Variants in TET1 observed in about 807,000 individuals in gnomAD.
TET1 encodes the protein methylcytosine dioxygenase TET1.
A neutral mutation model predicts 148.7 loss-of-function variants in TET1; 13 were observed. The observed-to-expected ratio is 0.09, with a 90% confidence interval of 0.06 to 0.14. The LOEUF (loss-of-function observed/expected upper bound fraction) is 0.14. TET1 is among the 10% of genes least tolerant of loss of function. The pLI is 1.00. For missense variants in TET1, 2,182 were observed against 2,553.8 expected, an observed-to-expected ratio of 0.85 and a Z score of 3.14; for synonymous variants, 907 against 937.2, an observed-to-expected ratio of 0.97 and a Z score of 0.59.
At chr10:68,561,463 C>T (rs2053552182) in intron 1 of TET1, among the ~76,000 whole-genome samples, 1 of 152,186 alleles carries the variant, frequency 6.6e-6, no homozygotes, top group South Asian at 2.1e-4. Flanking sequence ...ATTTAAGAAA[C>T]TCATTTATGA....
In TET1 at chr10:68,691,829, C is replaced by T. The variant is rs767766730; in HGVS notation, c.*15C>T. On this transcript the variant is annotated 3_prime_UTR_variant, in exon 12 of 12. Transcript: ENST00000373644. The surrounding 1 kb of genome is among the most constrained non-coding windows in gnomAD (Gnocchi z 4.4). ...ATTGGGTCTGAAGGCTTTTCTCCCC[C>T]TCTTAATGCCTTTGCTAGTGCAGTG... 1 of 1,591,448 alleles carries T rather than the reference C, an allele frequency of 6.3e-7. No homozygotes were observed. Among genetic ancestry groups the T allele is most frequent in the Admixed American group, 1.8e-5 (1 of 55,268 alleles).
At chr10:68,568,859 A>AG (rs1206695453) in intron 1 of TET1, among the ~76,000 whole-genome samples, 1 of 152,114 alleles carries the variant, frequency 6.6e-6, no homozygotes, top group Non-Finnish European at 1.5e-5. Flanking sequence ...TCAAAAAAAA[A>AG]GAAAAAGAAA....
intron 3 of TET1, among the ~76,000 whole-genome samples, chr10:68,639,685 T>C (rs2054713362): frequency 6.6e-6 from 1 of 151,980 alleles, no homozygotes; most frequent in Non-Finnish European, 1.5e-5. Flanking sequence ...GGTTTCAAAC[T>C]TCAAGCATGC....
chr10:68,611,650 CTTTCT>C (rs750350236), intron 3 of TET1, among the ~76,000 whole-genome samples: 15 of 133,226 alleles, frequency 1.1e-4, no homozygotes, highest in East Asian at 4.1e-4. Context: ...GAGACCCTTT[CTTTCT>C]TTTCTTTTCT....
chr10:68,665,984 A>T (rs1301011659), intron 6 of TET1, among the ~76,000 whole-genome samples: 2 of 152,198 alleles, frequency 1.3e-5, no homozygotes, highest in Non-Finnish European at 2.9e-5. Context: ...CATTCTGGTC[A>T]CATGGATGGG....
chr10:68,691,244 C>T lies in TET1; in HGVS notation c.5841C>T (p.Thr1947=), dbSNP rs779032698. The T allele has an allele frequency of 6.2e-7, 1 of 1,614,172 alleles. No homozygotes were observed. Among genetic ancestry groups the T allele is most frequent in the Non-Finnish European group, 8.5e-7 (1 of 1,180,044 alleles). The change falls in exon 12 of 12, where the codon ACC becomes ACT. Residue 1947 remains threonine, a synonymous_variant. Coordinates refer to ENST00000373644, the MANE Select transcript of TET1 (RefSeq NM_030625.3). This position sits in a 1 kb window ranked among gnomAD's most constrained non-coding sequence, Gnocchi z 4.4. ...HQPNHQPSFL[T]SPQDLASSPM... is the part of the protein sequence containing the mutation. Reference sequence around the variant, plus strand: ...CAAACCACCAGCCCTCCTTCCTCACCTCTCCTCAAGACCTTGCCTCTTCTC... The same window carrying T: ...CAAACCACCAGCCCTCCTTCCTCACTTCTCCTCAAGACCTTGCCTCTTCTC...
In TET1 at chr10:68,694,324, T is replaced by C. The variant is rs2055629025; in HGVS notation, c.*2510T>C. On this transcript the variant is annotated 3_prime_UTR_variant, in exon 12 of 12. Coordinates refer to ENST00000373644, the MANE Select transcript of TET1 (RefSeq NM_030625.3). ...TACTTTGTTGGACTCTCTTTCCTGA[T>C]TTTAACAATTTACCATCCCATTCTC... 1 of 232,636 alleles carries C rather than the reference T, an allele frequency of 4.3e-6. No homozygotes were observed. The highest frequency in any genetic ancestry group is 2.2e-5 in the African/African-American group (1 of 45,340). The allele number at this position is 232,636 out of a possible 1,614,324, so 14.4% of individuals were successfully genotyped here. A position where few individuals can be genotyped will look rare whatever the true frequency, so the allele number is the denominator to read the frequency against.
chr10:68,692,482 C>A lies in TET1; in HGVS notation c.*668C>A, dbSNP rs2055606528. The A allele has an allele frequency of 1.3e-5, 3 of 232,068 alleles. No homozygotes were observed. In the East Asian group the frequency reaches 1.8e-4, roughly 14 times the overall value. The allele number at this position is 232,068 out of a possible 1,614,324, so 14.4% of individuals were successfully genotyped here. A position where few individuals can be genotyped will look rare whatever the true frequency, so the allele number is the denominator to read the frequency against. Reference sequence around the variant, plus strand: ...ACTTGAAATAATATAGTATAAGAATCCTATTGTCTATTGTTTGTGCATATT... The same window carrying A: ...ACTTGAAATAATATAGTATAAGAATACTATTGTCTATTGTTTGTGCATATT... On this transcript the variant is annotated 3_prime_UTR_variant, in exon 12 of 12. Coordinates refer to ENST00000373644, the MANE Select transcript of TET1 (RefSeq NM_030625.3).
chr10:68,588,406 G>A (rs1282085270), intron 2 of TET1, among the ~76,000 whole-genome samples: 2 of 152,160 alleles, frequency 1.3e-5, no homozygotes, highest in African/African-American at 2.4e-5. Context: ...AAGACACTGA[G>A]GCTTAGAGAT....
intron 2 of TET1, among the ~76,000 whole-genome samples, chr10:68,576,348 CAA>C (rs374850664): frequency 0.37 from 48,736 of 131,222 alleles, 8,310 homozygotes; most frequent in Middle Eastern, 0.49. Flanking sequence ...GACCCTGTCT[CAA>C]AAAAAAAAAA....
At position 68,646,920 on chromosome 10, in the gene TET1, T is replaced by G; in HGVS notation, c.4191T>G (p.Asp1397Glu). The change falls in exon 4 of 12, where the codon GAT becomes GAG. Residue 1397 changes from aspartate to glutamate, a missense_variant. By Grantham distance (45) the Asp-to-Glu change is conservative. Transcript: ENST00000373644. ...ACAGTGCACAGAAAAATTTTAATGA[T>G]TATGCCATGAACTTCTTTACTAACC... ...TVDSAQKNFNDYAMNFFTNPT... is the reference protein window; with the variant it reads ...TVDSAQKNFNEYAMNFFTNPT... 6.2e-7 allele frequency: 1 copy of G among 1,614,148 alleles called. No individual in the cohort carries two copies. Among genetic ancestry groups the G allele is most frequent in the Non-Finnish European group, 8.5e-7 (1 of 1,180,026 alleles).
At chr10:68,575,943 C>T (rs1246412510) in intron 2 of TET1, among the ~76,000 whole-genome samples, 2 of 150,938 alleles carry the variant, frequency 1.3e-5, no homozygotes. Context: ...TGGCGTGAAC[C>T]CGGGAGGCGG....
intron 8 of TET1, among the ~76,000 whole-genome samples, chr10:68,679,589 T>G (rs1203141574): frequency 1.3e-5 from 2 of 152,240 alleles, no homozygotes; most frequent in South Asian, 2.1e-4. Flanking sequence ...TGGGTGTTGA[T>G]TTAAAAGTTT....
chr10:68,569,932 A>T (rs993393997), intron 1 of TET1, among the ~76,000 whole-genome samples: 21 of 152,122 alleles, frequency 1.4e-4, no homozygotes, highest in Admixed American at 9.2e-4. Flanking sequence ...TAGTGAATCT[A>T]AGGTTTAAAG....
intron 3 of TET1, among the ~76,000 whole-genome samples, chr10:68,629,694 C>T (rs2054540180): frequency 6.6e-6 from 1 of 151,928 alleles, no homozygotes; most frequent in Non-Finnish European, 1.5e-5. Context: ...CCTGCCACCA[C>T]ACCCGGCCAA....
At chr10:68,581,072 T>G (rs2053791962) in intron 2 of TET1, among the ~76,000 whole-genome samples, 1 of 152,200 alleles carries the variant, frequency 6.6e-6, no homozygotes. Context: ...GTACCATTTC[T>G]CAGAATGTTG....
intron 7 of TET1, among the ~76,000 whole-genome samples, chr10:68,667,885 G>T (rs1355427076): frequency 1.3e-5 from 2 of 152,150 alleles, no homozygotes; most frequent in Non-Finnish European, 2.9e-5. Context: ...TTCCACAGGA[G>T]TGTCATATCA....
intron 3 of TET1, among the ~76,000 whole-genome samples, chr10:68,606,316 G>A (rs538018509): frequency 1.3e-5 from 2 of 152,276 alleles, no homozygotes; most frequent in South Asian, 2.1e-4. Context: ...GCAGTCAGCC[G>A]AGATTGTGCC....
chr10:68,577,195 C>A (rs1312000780), intron 2 of TET1, among the ~76,000 whole-genome samples: 2 of 152,148 alleles, frequency 1.3e-5, no homozygotes, highest in Non-Finnish European at 2.9e-5. Flanking sequence ...CAGGCGTGAG[C>A]CACCGTGCCC....
Sources: gnomAD v4.1 joint callset for allele counts (sites outside exome capture counted in the v4.1 genomes callset) on GRCh38, gnomAD v4.1.1 for gene constraint, Gnocchi (gnomAD v3.1) non-coding constraint, MANE v1.5 for transcripts, NCBI Gene and HGNC (gene_info 2026-07-23, HGNC 2026-07-21) for gene names.